The following KLHL18 variants were observed in gnomAD, a reference collection of about 807,000 sequenced individuals.
KLHL18 encodes kelch like family member 18, also known as kelch-like protein 18.
In KLHL18, 38 loss-of-function variants were observed where a neutral mutation model predicts 58.5. That is an observed-to-expected ratio of 0.65 (90% CI 0.50 to 0.85). The LOEUF is 0.85. Among genes scored for constraint, KLHL18 ranks in the 40% least tolerant of loss-of-function variants. KLHL18 has a pLI of 0.00. For synonymous variants in KLHL18, 303 were observed against 301.9 expected (o/e 1.00, Z -0.04); for missense variants, 624 against 778.4 (o/e 0.80, Z 2.36).
At chr3:47,304,217 T>C (rs1703087861) in intron 1 of KLHL18, among the ~76,000 whole-genome samples, 1 of 152,180 alleles carries the variant, frequency 6.6e-6, no homozygotes, top group Non-Finnish European at 1.5e-5. Flanking sequence ...TAGAATAATA[T>C]CATCTATAGC....
At chr3:47,331,713 G>A (rs548024354) in intron 4 of KLHL18, among the ~76,000 whole-genome samples, 2 of 151,110 alleles carry the variant, frequency 1.3e-5, no homozygotes, top group African/African-American at 4.9e-5. Context: ...GATTACAGGC[G>A]TGAGCCACTG....
chr3:47,327,214 C>T (rs552139362), intron 3 of KLHL18, among the ~76,000 whole-genome samples: 7 of 151,792 alleles, frequency 4.6e-5, no homozygotes, highest in African/African-American at 1.2e-4. Context: ...ACTCTAGCCT[C>T]GGCAACACCA....
chr3:47,326,970 GGCTCAC>G (rs1454642900), intron 3 of KLHL18, among the ~76,000 whole-genome samples: 1 of 151,858 alleles, frequency 6.6e-6, no homozygotes, highest in East Asian at 1.9e-4. Context: ...CGGGCGTGGT[GGCTCAC>G]GCTTGTTATC....
rs1289812150 is a variant in KLHL18 at position 47,333,821 on chromosome 3, C to A, written c.761+504C>A. ...CAACACATGAAACTTTTACCCAGAGCAAATCAATGACAACATGGTACAGCA... is the reference window on the plus strand; with the variant it reads ...CAACACATGAAACTTTTACCCAGAGAAAATCAATGACAACATGGTACAGCA... On this transcript the variant is annotated intron_variant, in intron 5 of 9. Transcript: ENST00000232766. Among the ~76,000 whole-genome samples the A allele has an allele frequency of 2.0e-5, 3 of 152,190 alleles. No individual in the cohort carries two copies. The South Asian group carries it at 6.2e-4, about 31-fold the overall frequency.
In KLHL18 at chr3:47,333,169, G is replaced by T. The variant is rs781773568; in HGVS notation, c.613G>T (p.Ala205Ser). ...VKSEEQVFEA[A>S]LAWVRYDREQ... Reference sequence around the variant, plus strand: ...ACTCTCATGACAGGTCTTTGAAGCTGCATTGGCCTGGGTCAGATACGACCG... The same window carrying T: ...ACTCTCATGACAGGTCTTTGAAGCTTCATTGGCCTGGGTCAGATACGACCG... The change falls in exon 5 of 10, where the codon GCA (alanine) becomes TCA (serine). Residue 205 changes from alanine to serine, a missense_variant. Transcript: ENST00000232766. 1 of 1,613,412 alleles carries T rather than the reference G, an allele frequency of 6.2e-7. No homozygotes were observed. Among genetic ancestry groups the T allele is most frequent in the Admixed American group, 1.7e-5 (1 of 59,928 alleles).
At chr3:47,321,857 C>T (rs1165808282) in intron 2 of KLHL18, among the ~76,000 whole-genome samples, 1 of 152,154 alleles carries the variant, frequency 6.6e-6, no homozygotes, top group African/African-American at 2.4e-5. Context: ...AATGAGCCAT[C>T]TGGGGGAAGA....
chr3:47,285,440 G>C (rs1485420553), intron 1 of KLHL18, among the ~76,000 whole-genome samples: 3 of 152,214 alleles, frequency 2.0e-5, no homozygotes, highest in Non-Finnish European at 4.4e-5. Flanking sequence ...CTGTAGGCTG[G>C]GCACCGTGGC....
intron 1 of KLHL18, among the ~76,000 whole-genome samples, chr3:47,299,428 A>G (rs1390100247): frequency 6.6e-6 from 1 of 151,980 alleles, no homozygotes; most frequent in Non-Finnish European, 1.5e-5. Context: ...GACTTTCAGT[A>G]AAGTTGATTA....
chr3:47,343,863 C>T lies in KLHL18; in HGVS notation c.1647C>T (p.Asp549=). The T allele has an allele frequency of 1.9e-6, 3 of 1,614,208 alleles. No individual in the cohort carries two copies. Among genetic ancestry groups the T allele is most frequent in the Non-Finnish European group, 2.5e-6 (3 of 1,180,034 alleles). ...SSVEMYDPET[D]CWTFMAPMAC... ...TGGAGATGTATGACCCAGAGACAGA[C>T]TGCTGGACATTCATGGCCCCCATGG... The change falls in exon 10 of 10, where the codon GAC becomes GAT. Residue 549 remains aspartate (D), a synonymous_variant. Transcript: ENST00000232766.
intron 1 of KLHL18, among the ~76,000 whole-genome samples, chr3:47,305,140 C>T (rs1010345003): frequency 7.2e-5 from 11 of 152,142 alleles, no homozygotes; most frequent in Admixed American, 7.2e-4. Flanking sequence ...ACTGAGCTTG[C>T]TAGAACTTCC....
At chr3:47,299,799 C>G (rs1191235545) in intron 1 of KLHL18, among the ~76,000 whole-genome samples, 1 of 123,496 alleles carries the variant, frequency 8.1e-6, no homozygotes, top group Admixed American at 1.1e-4. Context: ...TGCACTCCAG[C>G]CTGCGTGACA....
intron 1 of KLHL18, chr3:47,283,314 A>G: frequency 1.7e-6 from 1 of 582,482 alleles, no homozygotes; most frequent in Non-Finnish European, 3.0e-6. Context: ...GGAAAGGTTG[A>G]GAGGTGCGCC....
Position 47,343,808 on chromosome 3 carries a change from G to A in KLHL18, c.1592G>A (p.Gly531Asp). 6.2e-7 allele frequency: 1 copy of A among 1,614,206 alleles called. No individual in the cohort carries two copies. Among genetic ancestry groups the A allele is most frequent in the South Asian group, 1.1e-5 (1 of 91,088 alleles). The change falls in exon 10 of 10, where the codon GGC becomes GAC. Residue 531 changes from glycine (G) to aspartate (D), a missense_variant. Physicochemically the swap from Gly to Asp is moderately conservative, Grantham distance 94. Coordinates refer to ENST00000232766, the MANE Select transcript of KLHL18 (RefSeq NM_025010.5). ...ASCGRLYAVG[G>D]YDGQSNLSSV... ...TGTGGGCGCCTCTACGCTGTTGGGG[G>A]CTACGACGGACAGTCAAACCTAAGC...
At chr3:47,329,897 C>T in intron 3 of KLHL18, 54 bp from the exon 4 acceptor site, 1 of 1,494,682 alleles carries the variant, frequency 6.7e-7, no homozygotes, top group Non-Finnish European at 9.3e-7. Flanking sequence ...TGAGAATGAT[C>T]AAAGATAACA....
chr3:47,330,145 A>G lies in KLHL18; in HGVS notation c.596A>G (p.Glu199Gly), dbSNP rs1243980501. 6.2e-7 allele frequency: 1 copy of G among 1,613,984 alleles called. No individual in the cohort carries two copies. ...SRDELNVKSEEQVFEAALAWV... is the reference protein window; with the variant it reads ...SRDELNVKSEGQVFEAALAWV... ...GATGAGCTGAATGTCAAATCTGAGGAGCAGGTATGTGAGCCCAGTAGCAGT... is the reference window on the plus strand; with the variant it reads ...GATGAGCTGAATGTCAAATCTGAGGGGCAGGTATGTGAGCCCAGTAGCAGT... Residue 199 changes from glutamate (E) to glycine (G), a missense_variant, in exon 4 of 10, where the codon GAG (glutamate) becomes GGG (glycine). Glu to Gly is a moderately conservative substitution (Grantham distance 98). Transcript: ENST00000232766.
intron 3 of KLHL18, among the ~76,000 whole-genome samples, chr3:47,327,198 C>T (rs550720038): frequency 7.2e-5 from 11 of 152,118 alleles, no homozygotes; most frequent in South Asian, 2.1e-4. Context: ...GAGATCATGC[C>T]GCTGCACTCT....
rs764532820 is a variant in KLHL18 at position 47,343,662 on chromosome 3, C to T, written c.1446C>T (p.Cys482=). 38 of 1,613,968 alleles carry T rather than the reference C, an allele frequency of 2.4e-5. No individual in the cohort carries two copies. The highest frequency in any genetic ancestry group is 2.8e-5 in the Non-Finnish European group (33 of 1,180,042). The change falls in exon 10 of 10, where the codon TGC becomes TGT. Residue 482 remains cysteine (C), a synonymous_variant. Coordinates refer to ENST00000232766, the MANE Select transcript of KLHL18 (RefSeq NM_025010.5). Reference sequence around the variant, plus strand: ...CCCTGGGGAGCAAGATGTTTGTCTGCGGGGGCTACGATGGCTCTGGCTTCC... The same window carrying T: ...CCCTGGGGAGCAAGATGTTTGTCTGTGGGGGCTACGATGGCTCTGGCTTCC... The part of the protein sequence containing the change: ...AASLGSKMFV[C]GGYDGSGFLS...
intron 4 of KLHL18, among the ~76,000 whole-genome samples, chr3:47,331,678 C>T (rs1703864595): frequency 6.7e-6 from 1 of 148,826 alleles, no homozygotes; most frequent in Non-Finnish European, 1.5e-5. Context: ...GATGATCTGC[C>T]CACCTCGGCC....
In KLHL18 at chr3:47,333,257, C is replaced by A. The variant is rs1252565560; in HGVS notation, c.701C>A (p.Pro234His). 3.7e-6 allele frequency: 6 copies of A among 1,614,016 alleles called. No individual in the cohort carries two copies. In the East Asian group the frequency reaches 1.3e-4, roughly 36 times the overall value. ...AATATCCGCCTGCCCCTCTGTCGGC[C>A]CCAGTTCCTTTCAGACAGAGTACAG... ...LSNIRLPLCRPQFLSDRVQQD... is the reference protein window; with the variant it reads ...LSNIRLPLCRHQFLSDRVQQD... Residue 234 changes from proline to histidine, a missense_variant, in exon 5 of 10, where the codon CCC becomes CAC. Coordinates refer to ENST00000232766, the MANE Select transcript of KLHL18 (RefSeq NM_025010.5).
Sources: allele counts gnomAD v4.1 joint callset (sites outside exome capture counted in the v4.1 genomes callset), GRCh38; gene constraint gnomAD v4.1.1; transcripts MANE v1.5; gene names NCBI Gene and HGNC (gene_info 2026-07-23, HGNC 2026-07-21).